LRRC4C: variants seen among roughly 807,000 people sequenced by gnomAD.
The protein encoded by LRRC4C is leucine-rich repeat-containing protein 4C.
In LRRC4C, 5 loss-of-function variants were observed where a neutral mutation model predicts 33.6. The ratio of observed to expected loss-of-function variants is 0.15; its 90% confidence interval spans 0.08 to 0.31. LRRC4C has a LOEUF of 0.31. LRRC4C is among the 10% of genes least tolerant of loss of function. The pLI is 1.00. For synonymous variants in LRRC4C, 329 were observed against 302.0 expected, an observed-to-expected ratio of 1.09 and a Z score of -0.93; for missense variants, 560 against 796.7, an observed-to-expected ratio of 0.70 and a Z score of 3.58.
intron 3 of LRRC4C, among the ~76,000 whole-genome samples, chr11:40,508,954 CTT>C (rs2138697726): frequency 6.6e-6 from 1 of 152,070 alleles, no homozygotes; most frequent in South Asian, 2.1e-4. Flanking sequence ...AAAAAAGAAA[CTT>C]GAGAAATGAA....
chr11:40,319,216 C>T (rs868391108), intron 4 of LRRC4C, among the ~76,000 whole-genome samples: 3 of 152,062 alleles, frequency 2.0e-5, no homozygotes, highest in Non-Finnish European at 4.4e-5. Flanking sequence ...AGTAGAGTTG[C>T]TTATTTGATT....
rs1000853305 is a variant in LRRC4C, at chr11:40,522,078, G to A, written c.-270+126064C>T. On this transcript the variant is annotated intron_variant, in intron 3 of 6. Coordinates refer to ENST00000528697, the MANE Select transcript of LRRC4C (RefSeq NM_001258419.2). ...CTCTCTGTCGCCCAGGCTGGAGTGC[G>A]ATGGCACAATCTCGGCCCACTGCAA... is the stretch of plus-strand genomic sequence containing the variant. Among the ~76,000 whole-genome samples the A allele has an allele frequency of 3.3e-5, 5 of 152,132 alleles. No homozygotes were observed. The South Asian group carries it at 6.2e-4, about 19-fold the overall frequency.
chr11:40,799,813 C>T (rs1950970655), intron 2 of LRRC4C, among the ~76,000 whole-genome samples: 1 of 152,152 alleles, frequency 6.6e-6, no homozygotes, highest in Admixed American at 6.5e-5. Context: ...GGCACAATAA[C>T]TTCTCTGATC....
At chr11:41,047,608 T>G (rs2138072449) in intron 1 of LRRC4C, among the ~76,000 whole-genome samples, 1 of 152,242 alleles carries the variant, frequency 6.6e-6, no homozygotes, top group Non-Finnish European at 1.5e-5. Flanking sequence ...TAAAAAAGAT[T>G]ACCTTAACTG....
intron 1 of LRRC4C, among the ~76,000 whole-genome samples, chr11:41,276,101 A>G (rs1207987383): frequency 1.3e-5 from 2 of 152,208 alleles, no homozygotes; most frequent in East Asian, 3.8e-4. Context: ...AACCAACATA[A>G]CATTCTATCC....
chr11:40,987,690 A>C lies in LRRC4C; in HGVS notation c.-495-53967T>G, dbSNP rs1000400224. Among the ~76,000 whole-genome samples the C allele has an allele frequency of 4.1e-5, 5 of 122,630 alleles. No individual in the cohort carries two copies. In the Admixed American group the frequency reaches 4.1e-4, roughly 10 times the overall value. 80.5% of individuals were successfully genotyped at this position (122,630 alleles called of 152,430 possible). Reference sequence around the variant, plus strand: ...AGATATAAATGATATATATATATATATCTCATATATATGAGATATATATGA... The same window carrying C: ...AGATATAAATGATATATATATATATCTCTCATATATATGAGATATATATGA... On this transcript the variant is annotated intron_variant, in intron 1 of 6. Transcript: ENST00000528697.
intron 5 of LRRC4C, among the ~76,000 whole-genome samples, chr11:40,217,473 T>C (rs1446142661): frequency 1.3e-5 from 2 of 152,088 alleles, no homozygotes; most frequent in African/African-American, 4.8e-5. Context: ...TGAGTCCTGA[T>C]TCTATCACGT....
At chr11:40,411,506 T>A (rs1264376990) in intron 3 of LRRC4C, among the ~76,000 whole-genome samples, 1 of 152,100 alleles carries the variant, frequency 6.6e-6, no homozygotes, top group Non-Finnish European at 1.5e-5. Context: ...ATGTATTTAT[T>A]TCTTCTTTTT....
At chr11:40,842,645 T>G (rs988500943) in intron 2 of LRRC4C, among the ~76,000 whole-genome samples, 3 of 152,140 alleles carry the variant, frequency 2.0e-5, no homozygotes, top group Non-Finnish European at 4.4e-5. Context: ...GATTTATTAT[T>G]TTTATCTAAC....
At chr11:40,950,590 A>G (rs1183346966) in intron 1 of LRRC4C, among the ~76,000 whole-genome samples, 1 of 152,074 alleles carries the variant, frequency 6.6e-6, no homozygotes, top group Non-Finnish European at 1.5e-5. Flanking sequence ...ATACATGGAA[A>G]CTTATGATAA....
intron 3 of LRRC4C, among the ~76,000 whole-genome samples, chr11:40,359,271 T>C (rs956963479): frequency 1.3e-5 from 2 of 152,208 alleles, no homozygotes; most frequent in Non-Finnish European, 2.9e-5. Context: ...ACATCCTATC[T>C]TCTGTGCCAG....
chr11:41,344,365 C>T (rs191930296), intron 1 of LRRC4C, among the ~76,000 whole-genome samples: 2,956 of 151,586 alleles, frequency 0.02, 95 homozygotes, highest in African/African-American at 0.069. Context: ...GGAGTACAGG[C>T]GCCCGCCACC....
chr11:40,606,221 AG>A (rs1366510702), intron 3 of LRRC4C, among the ~76,000 whole-genome samples: 1 of 152,214 alleles, frequency 6.6e-6, no homozygotes, highest in Non-Finnish European at 1.5e-5. Flanking sequence ...TGAAGGCAAA[AG>A]GGATATAGGT....
chr11:40,873,725 T>C (rs1326989232), intron 2 of LRRC4C, among the ~76,000 whole-genome samples: 2 of 152,160 alleles, frequency 1.3e-5, no homozygotes, highest in East Asian at 3.9e-4. Flanking sequence ...GCTGATTTTA[T>C]TTTTCTCCTA....
At chr11:40,403,440 C>T (rs1949837993) in intron 3 of LRRC4C, among the ~76,000 whole-genome samples, 1 of 152,098 alleles carries the variant, frequency 6.6e-6, no homozygotes, top group African/African-American at 2.4e-5. Flanking sequence ...CATTTCAAAG[C>T]TGTCATTTAT....
intron 1 of LRRC4C, among the ~76,000 whole-genome samples, chr11:41,099,102 C>A (rs971679580): frequency 9.2e-5 from 14 of 151,934 alleles, no homozygotes; most frequent in African/African-American, 3.4e-4. Context: ...GGATGAATTC[C>A]TGGACATGTA....
intron 1 of LRRC4C, among the ~76,000 whole-genome samples, chr11:41,314,014 C>T (rs1454291044): frequency 6.6e-6 from 1 of 152,088 alleles, no homozygotes; most frequent in Non-Finnish European, 1.5e-5. Context: ...CTAATGCCTT[C>T]ATAGGCAGTT....
intron 1 of LRRC4C, among the ~76,000 whole-genome samples, chr11:41,028,384 C>G (rs1011432932): frequency 4.0e-5 from 6 of 151,558 alleles, no homozygotes; most frequent in African/African-American, 1.5e-4. Context: ...TCTATTTAAT[C>G]TGCAAATGTA....
chr11:41,315,231 T>C (rs1225458199), intron 1 of LRRC4C, among the ~76,000 whole-genome samples: 1 of 152,190 alleles, frequency 6.6e-6, no homozygotes, highest in African/African-American at 2.4e-5. Flanking sequence ...ATGCCTACAT[T>C]TGGTTGCCAG....
Sources: gnomAD v4.1 joint callset for allele counts (sites outside exome capture counted in the v4.1 genomes callset) on GRCh38, gnomAD v4.1.1 for gene constraint, MANE v1.5 for transcripts, NCBI Gene and HGNC (gene_info 2026-07-23, HGNC 2026-07-21) for gene names.